CPS1: variants seen among roughly 807,000 people sequenced by gnomAD.
CPS1 encodes carbamoyl-phosphate synthase [ammonia], mitochondrial.
In CPS1, 109 loss-of-function variants were observed where a neutral mutation model predicts 174.6. The observed-to-expected ratio is 0.62, with a 90% CI of 0.53 to 0.73. CPS1 has a LOEUF of 0.73. Among genes scored for constraint, CPS1 ranks in the 30% least tolerant of loss-of-function variants. CPS1 has a pLI of 0.00. For missense variants in CPS1, 1,689 were observed against 1,821.9 expected (o/e 0.93, Z 1.33); for synonymous variants, 637 against 632.0 (o/e 1.01, Z -0.12).
At chr2:210,537,241 G>A (rs1226447668) in intron 1 of CPS1, among the ~76,000 whole-genome samples, 1 of 152,160 alleles carries the variant, frequency 6.6e-6, no homozygotes, top group Non-Finnish European at 1.5e-5. Flanking sequence ...GTGGTGAGAA[G>A]GGCTAGTGAA....
intron 1 of CPS1, among the ~76,000 whole-genome samples, chr2:210,566,551 G>A: frequency 6.6e-6 from 1 of 152,172 alleles, no homozygotes; most frequent in East Asian, 1.9e-4. Flanking sequence ...AATTTAAATA[G>A]AGTTCATGCT....
intron 1 of CPS1, among the ~76,000 whole-genome samples, chr2:210,561,363 G>A (rs901680805): frequency 1.3e-5 from 2 of 152,216 alleles, no homozygotes; most frequent in East Asian, 1.9e-4. Context: ...CTGCCCAAGG[G>A]ACTAGTACTA....
chr2:210,587,159 T>G (rs1698138614), intron 6 of CPS1, among the ~76,000 whole-genome samples: 1 of 152,102 alleles, frequency 6.6e-6, no homozygotes, highest in East Asian at 1.9e-4. Context: ...GTCTAAGGAT[T>G]ATAATTTCAC....
In CPS1 at chr2:210,579,807, C is replaced by CGG. The variant is rs766496334; in HGVS notation, c.528+39_528+40dup. On this transcript the variant is annotated intron_variant, in intron 5 of 37. Transcript: ENST00000233072. ...ATCTTTAGCCAAATCTATGTTTCTT[C>CGG]GGGTGTGTGTGTGTGTGTGTGTGTG... 52 of 1,508,234 alleles carry CGG rather than the reference C, an allele frequency of 3.4e-5. No homozygotes were observed. In the African/African-American group the frequency reaches 5.3e-4, roughly 15 times the overall value. The allele number at this position is 1,508,234 out of a possible 1,614,324, so 93.4% of individuals were successfully genotyped here.
intron 1 of CPS1, among the ~76,000 whole-genome samples, chr2:210,501,796 A>G (rs1245672369): frequency 6.6e-6 from 1 of 152,124 alleles, no homozygotes; most frequent in Non-Finnish European, 1.5e-5. Flanking sequence ...AAACTGTTCC[A>G]ACCTCTGCCT....
At chr2:210,627,033 C>A (rs1168882530) in intron 21 of CPS1, among the ~76,000 whole-genome samples, 1 of 152,154 alleles carries the variant, frequency 6.6e-6, no homozygotes. Flanking sequence ...GTCACTAACC[C>A]TTTTCAAAAG....
At chr2:210,478,946 C>T (rs1694488770) in intron 1 of CPS1, among the ~76,000 whole-genome samples, 1 of 130,816 alleles carries the variant, frequency 7.6e-6, no homozygotes, top group Non-Finnish European at 1.6e-5. Context: ...CCCTTCCCTC[C>T]CTCCCTCCCT....
chr2:210,565,938 G>A (rs910865609), intron 1 of CPS1, among the ~76,000 whole-genome samples: 2 of 152,204 alleles, frequency 1.3e-5, no homozygotes, highest in African/African-American at 4.8e-5. Flanking sequence ...CAGCATCTGT[G>A]AAGCTTCAGG....
chr2:210,593,095 G>A (rs921305615), intron 11 of CPS1, 139 bp downstream of exon 11: 12 of 821,332 alleles, frequency 1.5e-5, no homozygotes, highest in Non-Finnish European at 2.2e-5. Flanking sequence ...CACACATTTT[G>A]TATTAAAATC....
intron 16 of CPS1, among the ~76,000 whole-genome samples, chr2:210,604,365 C>A (rs1698831396): frequency 6.6e-6 from 1 of 151,850 alleles, no homozygotes; most frequent in African/African-American, 2.4e-5. Flanking sequence ...ACATTTCTCC[C>A]TTGGATTATC....
At chr2:210,632,117 T>C (rs1444231969) in intron 21 of CPS1, among the ~76,000 whole-genome samples, 1 of 152,214 alleles carries the variant, frequency 6.6e-6, no homozygotes, top group Admixed American at 6.5e-5. Flanking sequence ...AATTAAGGTT[T>C]TTATTTTCCT....
intron 1 of CPS1, among the ~76,000 whole-genome samples, chr2:210,480,398 T>C (rs528531631): frequency 1.8e-3 from 272 of 152,332 alleles, no homozygotes; most frequent in Non-Finnish European, 3.7e-3. Context: ...AGACTGACTT[T>C]GGTGGACAGT....
intron 21 of CPS1, chr2:210,618,334 A>G (rs1169313941): frequency 6.6e-6 from 1 of 152,092 alleles, no homozygotes; most frequent in African/African-American, 2.4e-5. Flanking sequence ...GTAAAGCTTT[A>G]TATCATTTCA....
intron 8 of CPS1, 48 bp from the exon 9 acceptor site, chr2:210,590,751 AT>A (rs1273139230): frequency 1.4e-6 from 2 of 1,472,062 alleles, no homozygotes; most frequent in Non-Finnish European, 1.9e-6. Context: ...CAGAAGCAAC[AT>A]TTTTTGGAAC....
At chr2:210,616,325 T>G (rs192645359) in intron 20 of CPS1, 98 bp from the exon 21 acceptor site, 39 of 831,628 alleles carry the variant, frequency 4.7e-5, no homozygotes, top group African/African-American at 4.5e-4. Flanking sequence ...TCGGGCTCTC[T>G]AAATAACACA....
chr2:210,482,778 T>G (rs1559729558), intron 1 of CPS1, among the ~76,000 whole-genome samples: 3 of 152,140 alleles, frequency 2.0e-5, no homozygotes, highest in South Asian at 4.1e-4. Context: ...CAATTTACAT[T>G]TGTTATATCA....
At chr2:210,558,929 A>G (rs776635528) in intron 1 of CPS1, among the ~76,000 whole-genome samples, 3 of 152,034 alleles carry the variant, frequency 2.0e-5, no homozygotes, top group Non-Finnish European at 4.4e-5. Flanking sequence ...CTCACACTCA[A>G]TCATTACTGG....
intron 1 of CPS1, among the ~76,000 whole-genome samples, chr2:210,517,740 A>AT (rs1314873745): frequency 6.6e-6 from 1 of 151,734 alleles, no homozygotes; most frequent in Non-Finnish European, 1.5e-5. Context: ...TAGCTTTTGA[A>AT]TTTTTTTCCT....
chr2:210,592,362 C>A (rs1698336586), intron 10 of CPS1, among the ~76,000 whole-genome samples: 1 of 151,962 alleles, frequency 6.6e-6, no homozygotes, highest in African/African-American at 2.4e-5. Flanking sequence ...CTCTCTTATT[C>A]TCTCATCAGT....
Sources: gnomAD v4.1 joint callset for allele counts (sites outside exome capture counted in the v4.1 genomes callset) on GRCh38, gnomAD v4.1.1 for gene constraint, MANE v1.5 for transcripts, NCBI Gene and HGNC (gene_info 2026-07-23, HGNC 2026-07-21) for gene names.